FRAS1: variants seen among roughly 807,000 people sequenced by gnomAD.
The protein encoded by FRAS1 is extracellular matrix organizing protein FRAS1.
FRAS1 carries 290 observed loss-of-function variants against 435.2 expected under a neutral mutation model. The ratio of observed to expected loss-of-function variants is 0.67; its 90% CI spans 0.61 to 0.73. The LOEUF (loss-of-function observed/expected upper bound fraction) is 0.73, where lower values mean the gene tolerates loss of function less well. Among genes scored for constraint, FRAS1 ranks in the 30% least tolerant of loss-of-function variants. The pLI is 0.00. For missense variants in FRAS1, 4,860 were observed against 5,001.5 expected (o/e 0.97, Z 0.85); for synonymous variants, 1,800 against 1,851.0 (o/e 0.97, Z 0.71).
chr4:78,484,817 C>T (rs967487514), intron 58 of FRAS1, among the ~76,000 whole-genome samples: 1 of 152,170 alleles, frequency 6.6e-6, no homozygotes, highest in Non-Finnish European at 1.5e-5. Context: ...TGTCTAGTAT[C>T]TAGAGGAACC....
intron 2 of FRAS1, among the ~76,000 whole-genome samples, chr4:78,185,798 CTGTT>C (rs1314050120): frequency 6.6e-6 from 1 of 152,174 alleles, no homozygotes; most frequent in Non-Finnish European, 1.5e-5. Flanking sequence ...TGACTCTTGT[CTGTT>C]TGTGATTTCT....
intron 43 of FRAS1, 22 bp from the exon 44 acceptor site, chr4:78,448,030 CT>C: frequency 1.3e-6 from 2 of 1,560,374 alleles, no homozygotes; most frequent in Non-Finnish European, 1.7e-6. Context: ...CATTGTTTTG[CT>C]TTTCTTTACC....
intron 20 of FRAS1, among the ~76,000 whole-genome samples, chr4:78,347,473 A>G (rs1209327159): frequency 6.6e-6 from 1 of 152,198 alleles, no homozygotes; most frequent in East Asian, 1.9e-4. Context: ...CCATTGCATT[A>G]GCTGTAAATC....
chr4:78,065,521 G>A (rs1739989781), intron 1 of FRAS1, among the ~76,000 whole-genome samples: 1 of 152,036 alleles, frequency 6.6e-6, no homozygotes, highest in Admixed American at 6.6e-5. Context: ...ACTAGACAAA[G>A]TACATCTCCT....
In FRAS1 at chr4:78,412,954, T is replaced by C. The variant is rs764678321; in HGVS notation, c.4309-15T>C. On this transcript the variant is annotated splice_polypyrimidine_tract_variant and intron_variant, in intron 31 of 73. Transcript: ENST00000512123. ...ATAGAAGATGAGAGGCTCACCAGGA[T>C]GACTTTCTTTTCAGGTGTCCAGTGC... 5.8e-6 allele frequency: 9 copies of C among 1,546,904 alleles called. No individual in the cohort carries two copies. Among genetic ancestry groups the C allele is most frequent in the Middle Eastern group, 1.7e-4 (1 of 5,922 alleles).
At chr4:78,101,022 G>T (rs1045778386) in intron 2 of FRAS1, among the ~76,000 whole-genome samples, 2 of 152,152 alleles carry the variant, frequency 1.3e-5, no homozygotes, top group South Asian at 2.1e-4. Context: ...GGGTGGGATG[G>T]TATGGAAACA....
chr4:78,491,520 A>G (rs1720352570), intron 59 of FRAS1, among the ~76,000 whole-genome samples: 1 of 152,208 alleles, frequency 6.6e-6, no homozygotes. Context: ...AATAAACATA[A>G]TCCATCACAT....
intron 2 of FRAS1, among the ~76,000 whole-genome samples, chr4:78,215,384 TG>T (rs1723720228): frequency 1.3e-5 from 2 of 152,152 alleles, no homozygotes; most frequent in African/African-American, 2.4e-5. Flanking sequence ...TTAGTAGAGA[TG>T]GGGTTTTACC....
chr4:78,168,457 TA>T (rs1721421803), intron 2 of FRAS1, among the ~76,000 whole-genome samples: 1 of 152,118 alleles, frequency 6.6e-6, no homozygotes, highest in Middle Eastern at 3.4e-3. Flanking sequence ...AGCACCCCTG[TA>T]ATAGTCACAC....
chr4:78,281,189 A>G (rs546350677), intron 10 of FRAS1, among the ~76,000 whole-genome samples: 55 of 152,338 alleles, frequency 3.6e-4, no homozygotes, highest in South Asian at 2.7e-3. Context: ...CAAAGTGAGA[A>G]TTCAGAAATA....
intron 19 of FRAS1, among the ~76,000 whole-genome samples, chr4:78,335,264 T>C (rs1034038885): frequency 6.6e-6 from 1 of 152,222 alleles, no homozygotes; most frequent in Admixed American, 6.5e-5. Context: ...CTTCAGATCC[T>C]GCAGGTGGGC....
chr4:78,454,744 A>G (rs1719134704), intron 47 of FRAS1, among the ~76,000 whole-genome samples: 1 of 152,162 alleles, frequency 6.6e-6, no homozygotes, highest in Non-Finnish European at 1.5e-5. Flanking sequence ...GCTGGTCAGT[A>G]GCAGCCCCAG....
chr4:78,234,252 G>C (rs1043922189), intron 2 of FRAS1, among the ~76,000 whole-genome samples: 1 of 151,950 alleles, frequency 6.6e-6, no homozygotes, highest in African/African-American at 2.4e-5. Flanking sequence ...TTGAGACAGA[G>C]TCTCGCTCTG....
At chr4:78,298,297 G>A (rs938266452) in intron 14 of FRAS1, among the ~76,000 whole-genome samples, 20 of 148,380 alleles carry the variant, frequency 1.3e-4, no homozygotes, top group Admixed American at 9.4e-4. Flanking sequence ...ATTATAAGGT[G>A]TATATATATA....
At chr4:78,283,072 A>C in intron 12 of FRAS1, 105 bp downstream of exon 12, 1 of 833,678 alleles carries the variant, frequency 1.2e-6, no homozygotes, top group South Asian at 3.4e-5. Context: ...ATTTTTAGTT[A>C]ACCAATGGGT....
Position 78,066,130 on chromosome 4 carries a change from A to G in FRAS1, c.108+114A>G, listed in dbSNP as rs4859516. 20 of 772,928 alleles carry G rather than the reference A, an allele frequency of 2.6e-5. No individual in the cohort carries two copies. In the East Asian group the frequency reaches 4.5e-4, roughly 17 times the overall value. The allele number at this position is 772,928 out of a possible 1,614,324, so 47.9% of individuals were successfully genotyped here. Reference sequence around the variant, plus strand: ...TGTAGAATATGTTTATTTTTCTTCAACGTTTGACAATTAGCCCTCATTCGG... The same window carrying G: ...TGTAGAATATGTTTATTTTTCTTCAGCGTTTGACAATTAGCCCTCATTCGG... On this transcript the variant is annotated intron_variant, in intron 2 of 73. Transcript: ENST00000512123.
intron 2 of FRAS1, among the ~76,000 whole-genome samples, chr4:78,095,624 G>A (rs761470528): frequency 6.6e-6 from 1 of 152,258 alleles, no homozygotes; most frequent in Non-Finnish European, 1.5e-5. Flanking sequence ...CATGGCGGAA[G>A]CCAAGGAGGA....
At chr4:78,153,047 A>G (rs923963160) in intron 2 of FRAS1, among the ~76,000 whole-genome samples, 2 of 151,956 alleles carry the variant, frequency 1.3e-5, no homozygotes, top group Non-Finnish European at 2.9e-5. Context: ...AGCTCTCTTT[A>G]TATCAATTTG....
At chr4:78,219,336 A>G (rs770587247) in intron 2 of FRAS1, among the ~76,000 whole-genome samples, 2 of 152,148 alleles carry the variant, frequency 1.3e-5, no homozygotes, top group Non-Finnish European at 2.9e-5. Context: ...AAGACCTATT[A>G]TTTTAGAAAA....
Sources: allele counts gnomAD v4.1 joint callset (sites outside exome capture counted in the v4.1 genomes callset), GRCh38; gene constraint gnomAD v4.1.1; transcripts MANE v1.5; gene names NCBI Gene and HGNC (gene_info 2026-07-23, HGNC 2026-07-21).